Variants in TTLL11 observed in about 807,000 individuals in gnomAD.
The protein encoded by TTLL11 is tubulin polyglutamylase TTLL11.
In TTLL11, 42 loss-of-function variants were observed where a neutral mutation model predicts 51.7. That is an observed-to-expected ratio of 0.81 (90% confidence interval 0.64 to 1.05). The LOEUF (loss-of-function observed/expected upper bound fraction) is 1.05. Ranked by LOEUF, TTLL11 falls within the 50% of genes least tolerant of loss-of-function variation. The pLI is 0.00. For missense variants in TTLL11, 799 were observed against 940.4 expected, an observed-to-expected ratio of 0.85 and a Z score of 1.97; for synonymous variants, 381 against 383.5, an observed-to-expected ratio of 0.99 and a Z score of 0.08.
rs769286240 is a variant in TTLL11, at chr9:121,870,635, A to T, written c.1595T>A (p.Leu532His). The T allele has an allele frequency of 6.4e-7, 1 of 1,551,772 alleles. No individual in the cohort carries two copies. Among genetic ancestry groups the T allele is most frequent in the South Asian group, 1.2e-5 (1 of 84,062 alleles). Residue 532 changes from leucine to histidine, a missense_variant, in exon 7 of 9, where the codon CTC (leucine) becomes CAC (histidine). Coordinates refer to ENST00000321582, the MANE Select transcript of TTLL11 (RefSeq NM_001139442.2). The stretch of plus-strand genomic sequence containing the variant: ...TGCGTACTTGGGGAACACCTGCTTG[A>T]GGCAAATGGAAGGCAGGTGGGCTTC... ...NPEAHLPSIC[L>H]KQVFPKYAKQ...
At chr9:121,959,693 A>T (rs778782565) in intron 6 of TTLL11, among the ~76,000 whole-genome samples, 1 of 151,980 alleles carries the variant, frequency 6.6e-6, no homozygotes, top group Non-Finnish European at 1.5e-5. Flanking sequence ...CCTCACCCCA[A>T]CTTGGCTTTC....
At chr9:122,081,732 G>T (rs1336108621) in intron 1 of TTLL11, among the ~76,000 whole-genome samples, 2 of 152,172 alleles carry the variant, frequency 1.3e-5, no homozygotes, top group Non-Finnish European at 2.9e-5. Context: ...ATGAGAAGAA[G>T]AAATTTTTTA....
At chr9:121,927,863 G>A (rs949929907) in intron 6 of TTLL11, among the ~76,000 whole-genome samples, 6 of 152,232 alleles carry the variant, frequency 3.9e-5, no homozygotes, top group Admixed American at 2.0e-4. Flanking sequence ...TTTTAGTAAG[G>A]TGGAAAAACC....
chr9:121,834,725 G>A (rs1372233563), intron 8 of TTLL11, among the ~76,000 whole-genome samples: 1 of 152,000 alleles, frequency 6.6e-6, no homozygotes, highest in East Asian at 1.9e-4. Flanking sequence ...TACTCAGGAG[G>A]CTGAGGCAGG....
At chr9:121,976,122 A>C (rs1012768811) in intron 4 of TTLL11, among the ~76,000 whole-genome samples, 2 of 152,214 alleles carry the variant, frequency 1.3e-5, no homozygotes, top group Admixed American at 1.3e-4. Context: ...GAACAGTTTC[A>C]CATAGTTAAA....
At chr9:121,860,196 G>C in intron 8 of TTLL11, 141 bp downstream of exon 8, 1 of 633,868 alleles carries the variant, frequency 1.6e-6, no homozygotes, top group East Asian at 2.9e-5. Context: ...TTTAAATTCA[G>C]CTCAATCCCT....
chr9:121,946,276 G>A (rs1841660310), intron 6 of TTLL11, among the ~76,000 whole-genome samples: 1 of 152,206 alleles, frequency 6.6e-6, no homozygotes, highest in Non-Finnish European at 1.5e-5. Flanking sequence ...GTCTCAACAA[G>A]CCGACAGGAG....
chr9:121,922,560 C>G (rs1210805794), intron 6 of TTLL11, among the ~76,000 whole-genome samples: 1 of 152,176 alleles, frequency 6.6e-6, no homozygotes, highest in Admixed American at 6.5e-5. Flanking sequence ...ATCGCATTTG[C>G]TAACCACAAG....
chr9:122,077,536 A>G (rs981995063), intron 1 of TTLL11, among the ~76,000 whole-genome samples: 35 of 152,158 alleles, frequency 2.3e-4, no homozygotes, highest in Non-Finnish European at 1.3e-4. Flanking sequence ...AAAATCAATT[A>G]AAAAAGATAT....
chr9:122,061,536 C>T (rs1344035604), intron 1 of TTLL11, among the ~76,000 whole-genome samples: 3 of 152,114 alleles, frequency 2.0e-5, no homozygotes, highest in African/African-American at 4.8e-5. Context: ...CTAAATATTG[C>T]TAAATATTTT....
intron 3 of TTLL11, among the ~76,000 whole-genome samples, chr9:122,004,350 A>G (rs533092525): frequency 2.7e-5 from 4 of 149,934 alleles, no homozygotes; most frequent in Admixed American, 6.6e-5. Flanking sequence ...AATGCTTTAC[A>G]GCATTTTTTT....
intron 6 of TTLL11, among the ~76,000 whole-genome samples, chr9:121,929,559 T>G (rs920078489): frequency 4.6e-5 from 7 of 152,148 alleles, no homozygotes; most frequent in African/African-American, 1.7e-4. Context: ...ACATTAAAAT[T>G]AGACACAAAC....
In TTLL11 at chr9:122,089,304, C is replaced by T. The variant is rs137935083; in HGVS notation, c.462+3383G>A. Among the ~76,000 whole-genome samples the T allele has an allele frequency of 6.5e-3, 996 of 152,300 alleles. 8 individuals carry two copies. The highest frequency in any genetic ancestry group is 0.017 in the Middle Eastern group (5 of 294). ...GCTGCAAGAGATACTGTTGCTCACA[C>T]CCTTGCACCACAGCCCCCAGTAGAA... On this transcript the variant is annotated intron_variant, in intron 1 of 8. Transcript: ENST00000321582.
At chr9:121,965,658 A>T (rs931566413) in intron 6 of TTLL11, among the ~76,000 whole-genome samples, 1 of 152,186 alleles carries the variant, frequency 6.6e-6, no homozygotes, top group Non-Finnish European at 1.5e-5. Flanking sequence ...AGGATAGCGG[A>T]TGATTCTTCA....
intron 2 of TTLL11, among the ~76,000 whole-genome samples, chr9:122,032,358 A>C (rs1365235339): frequency 6.6e-6 from 1 of 152,198 alleles, no homozygotes; most frequent in African/African-American, 2.4e-5. Context: ...ATAGGAAAAC[A>C]CACATCTTTC....
rs549808247 is a variant in TTLL11 at position 121,900,295 on chromosome 9, TCAAA to T, written c.1482-29551_1482-29548del. 1.7e-4 allele frequency among the ~76,000 whole-genome samples: 26 copies of T among 152,362 alleles called. No homozygotes were observed. In the East Asian group the frequency reaches 4.4e-3, roughly 26 times the overall value. ...GTTTTCAGTTATTTTCTCTGAGCACTCAAACAGATTTCACTGACTTGTGAATTGC... is the reference window on the plus strand; with the variant it reads ...GTTTTCAGTTATTTTCTCTGAGCACTCAGATTTCACTGACTTGTGAATTGC... On this transcript the variant is annotated intron_variant, in intron 6 of 8. Coordinates refer to ENST00000321582, the MANE Select transcript of TTLL11 (RefSeq NM_001139442.2).
chr9:121,967,548 A>G (rs1031665587), intron 6 of TTLL11, among the ~76,000 whole-genome samples: 13 of 152,242 alleles, frequency 8.5e-5, no homozygotes, highest in Admixed American at 8.5e-4. Context: ...TGAACCAGGG[A>G]ACTGACCAGC....
At chr9:122,045,370 T>C (rs967125604) in intron 1 of TTLL11, among the ~76,000 whole-genome samples, 1 of 152,098 alleles carries the variant, frequency 6.6e-6, no homozygotes, top group African/African-American at 2.4e-5. Flanking sequence ...CTGGCCAACA[T>C]GGCGAAACTC....
intron 3 of TTLL11, among the ~76,000 whole-genome samples, chr9:122,028,629 T>C (rs902198570): frequency 6.6e-6 from 1 of 152,116 alleles, no homozygotes; most frequent in Non-Finnish European, 1.5e-5. Flanking sequence ...AACTAGTAAG[T>C]AGTAAAGTAG....
Sources: gnomAD v4.1 joint callset for allele counts (sites outside exome capture counted in the v4.1 genomes callset) on GRCh38, gnomAD v4.1.1 for gene constraint, MANE v1.5 for transcripts, NCBI Gene and HGNC (gene_info 2026-07-23, HGNC 2026-07-21) for gene names.